The following BBOX1 variants were observed in gnomAD, a reference collection of about 807,000 sequenced individuals.
BBOX1 encodes gamma-butyrobetaine dioxygenase.
A neutral mutation model predicts 41.6 loss-of-function variants in BBOX1; 35 were observed. The ratio of observed to expected loss-of-function variants is 0.84; its 90% CI spans 0.64 to 1.11. BBOX1 has a LOEUF of 1.11. Among genes scored for constraint, BBOX1 ranks in the 50% most tolerant of loss-of-function variants. The pLI is 0.00. For synonymous variants in BBOX1, 163 were observed against 154.7 expected (o/e 1.05, Z -0.40); for missense variants, 458 against 460.6 (o/e 0.99, Z 0.05).
At position 27,085,555 on chromosome 11, in the gene BBOX1, A is replaced by ATCTCTCTCTCTCTC. The variant is rs59696795; in HGVS notation, c.335-7585_335-7572dup. On this transcript the variant is annotated intron_variant, in intron 4 of 8. Coordinates refer to ENST00000263182, the MANE Select transcript of BBOX1 (RefSeq NM_003986.3). The stretch of plus-strand genomic sequence containing the variant: ...CTTTACTGTCCAGCCACATTCCCCC[A>ATCTCTCTCTCTCTC]TCTCTCTCTCTCTCTCTCTCTCTCT... Among the ~76,000 whole-genome samples the ATCTCTCTCTCTCTC allele has an allele frequency of 1.2e-3, 162 of 134,812 alleles. 1 individual carries two copies. The highest frequency in any genetic ancestry group is 2.1e-3 in the South Asian group (8 of 3,850). The allele number at this position is 134,812 out of a possible 152,430, so 88.4% of individuals were successfully genotyped here. A position where few individuals can be genotyped will look rare whatever the true frequency, so the allele number is the denominator to read the frequency against.
intron 4 of BBOX1, among the ~76,000 whole-genome samples, chr11:27,081,753 T>C (rs1282282820): frequency 6.6e-6 from 1 of 152,196 alleles, no homozygotes; most frequent in African/African-American, 2.4e-5. Context: ...CCATTCTAAC[T>C]GGCGTGAGAT....
rs757703129 is a variant in BBOX1 at position 27,119,648 on chromosome 11, G to A, written c.640-1G>A. The stretch of plus-strand genomic sequence containing the variant: ...TAATAATGCATATTTTCTTTTTATA[G>A]GTTCAGCTTCTTCACTGCATAAAGC... On this transcript the variant is annotated splice_acceptor_variant, in intron 6 of 8. Coordinates refer to ENST00000263182, the MANE Select transcript of BBOX1 (RefSeq NM_003986.3). LOFTEE classifies it high-confidence loss of function. The A allele has an allele frequency of 4.3e-6, 6 of 1,396,314 alleles. No individual in the cohort carries two copies. The highest frequency in any genetic ancestry group is 2.0e-4 in the Middle Eastern group (1 of 5,112). The allele number at this position is 1,396,314 out of a possible 1,614,324, so 86.5% of individuals were successfully genotyped here.
intron 4 of BBOX1, among the ~76,000 whole-genome samples, chr11:27,089,025 C>G (rs1277588867): frequency 6.6e-6 from 1 of 151,920 alleles, no homozygotes. Flanking sequence ...ATAACTGTCT[C>G]TATTTTATAA....
At chr11:27,068,696 A>G (rs1164230005) in intron 4 of BBOX1, among the ~76,000 whole-genome samples, 1 of 152,034 alleles carries the variant, frequency 6.6e-6, no homozygotes, top group East Asian at 1.9e-4. Context: ...TAGAATTTTT[A>G]TTATTTCAGA....
rs777657760 is a variant in BBOX1, at chr11:27,093,209, G to A, written c.376G>A (p.Asp126Asn). Residue 126 changes from aspartate to asparagine, a missense_variant, in exon 5 of 9, where the codon GAT becomes AAT. Transcript: ENST00000263182. ...CTCAGAGCTCCAGCTACCCACTTTG[G>A]ATTTTGAAGATGTTTTAAGATATGA... ...WGSELQLPTLDFEDVLRYDEH... is the reference protein window; with the variant it reads ...WGSELQLPTLNFEDVLRYDEH... 6.2e-7 allele frequency: 1 copy of A among 1,612,308 alleles called. No homozygotes were observed. Among genetic ancestry groups the A allele is most frequent in the South Asian group, 1.1e-5 (1 of 91,024 alleles).
chr11:27,093,803 G>C (rs1324296850), intron 5 of BBOX1, among the ~76,000 whole-genome samples: 1 of 151,920 alleles, frequency 6.6e-6, no homozygotes, highest in Non-Finnish European at 1.5e-5. Context: ...CCTTTCTTCT[G>C]TGCATAGCAC....
At chr11:27,114,621 C>T (rs1227201556) in intron 5 of BBOX1, among the ~76,000 whole-genome samples, 1 of 151,766 alleles carries the variant, frequency 6.6e-6, no homozygotes, top group African/African-American at 2.4e-5. Flanking sequence ...CAATTATCAA[C>T]AAGCATGCCA....
chr11:27,075,351 C>A (rs1410961672), intron 4 of BBOX1, among the ~76,000 whole-genome samples: 1 of 152,104 alleles, frequency 6.6e-6, no homozygotes, highest in Non-Finnish European at 1.5e-5. Flanking sequence ...GCAGAGGTCT[C>A]TTTAAGCTTA....
At chr11:27,042,259 T>C (rs933812232) in intron 2 of BBOX1, among the ~76,000 whole-genome samples, 4 of 152,208 alleles carry the variant, frequency 2.6e-5, no homozygotes, top group Non-Finnish European at 5.9e-5. Context: ...AATTTACAAA[T>C]GAAGTGTTTG....
At chr11:27,120,250 A>C (rs1859417015) in intron 7 of BBOX1, among the ~76,000 whole-genome samples, 1 of 152,112 alleles carries the variant, frequency 6.6e-6, no homozygotes, top group Non-Finnish European at 1.5e-5. Context: ...CTTCTATGTT[A>C]GCTTTATTTT....
chr11:27,043,416 C>CAGGTTTGGGTT (rs879430839), intron 2 of BBOX1, among the ~76,000 whole-genome samples: 1 of 151,324 alleles, frequency 6.6e-6, no homozygotes, highest in Non-Finnish European at 1.5e-5. Flanking sequence ...GCAGAATGTG[C>CAGGTTTGGGTT]ACGTTTGGGG....
At chr11:27,095,522 TTGCCACCTAACCA>T (rs1858408808) in intron 5 of BBOX1, among the ~76,000 whole-genome samples, 1 of 151,992 alleles carries the variant, frequency 6.6e-6, no homozygotes, top group Non-Finnish European at 1.5e-5. Flanking sequence ...CTTATGGGCC[TTGCCACCTAACCA>T]GATAAGTTAA....
chr11:27,076,969 C>A (rs1451350751), intron 4 of BBOX1, among the ~76,000 whole-genome samples: 1 of 152,116 alleles, frequency 6.6e-6, no homozygotes, highest in Non-Finnish European at 1.5e-5. Context: ...ATGTTCAGAA[C>A]TCCCCAGAAG....
At chr11:27,074,058 A>G (rs1857556952) in intron 4 of BBOX1, among the ~76,000 whole-genome samples, 1 of 152,034 alleles carries the variant, frequency 6.6e-6, no homozygotes, top group Admixed American at 6.6e-5. Context: ...AACTTAAAGT[A>G]TAATATAAAA....
intron 4 of BBOX1, among the ~76,000 whole-genome samples, chr11:27,090,775 A>T (rs1858215925): frequency 6.6e-6 from 1 of 151,808 alleles, no homozygotes; most frequent in South Asian, 2.1e-4. Flanking sequence ...AACACATAAA[A>T]CAGACATTCC....
intron 4 of BBOX1, among the ~76,000 whole-genome samples, 166 bp from the exon 5 acceptor site, chr11:27,093,002 A>G (rs1370061543): frequency 1.3e-5 from 2 of 151,974 alleles, no homozygotes; most frequent in Admixed American, 6.6e-5. Context: ...TGTGGTGCCA[A>G]GGAAGAAAGG....
In BBOX1 at chr11:27,122,225, A is replaced by G. The variant is rs551084683; in HGVS notation, c.836+2380A>G. Among the ~76,000 whole-genome samples the G allele has an allele frequency of 3.3e-5, 5 of 152,280 alleles. No individual in the cohort carries two copies. The South Asian group carries it at 1.0e-3, about 32-fold the overall frequency. Reference sequence around the variant, plus strand: ...AAAATAAATCAATAAAGAAACAAGCAAAATTAATGACGGTGAGACTCAGCT... The same window carrying G: ...AAAATAAATCAATAAAGAAACAAGCGAAATTAATGACGGTGAGACTCAGCT... On this transcript the variant is annotated intron_variant, in intron 7 of 8. Coordinates refer to ENST00000263182, the MANE Select transcript of BBOX1 (RefSeq NM_003986.3).
At chr11:27,043,607 C>T (rs555989075) in intron 2 of BBOX1, among the ~76,000 whole-genome samples, 1 of 152,262 alleles carries the variant, frequency 6.6e-6, no homozygotes, top group African/African-American at 2.4e-5. Flanking sequence ...CCCTACCCCG[C>T]CACAGGCCCT....
chr11:27,093,341 G>A lies in BBOX1; in HGVS notation c.508G>A (p.Gly170Ser). Residue 170 changes from glycine (G) to serine (S), a missense_variant, in exon 5 of 9, where the codon GGT (glycine) becomes AGT (serine). Transcript: ENST00000263182. The stretch of plus-strand genomic sequence containing the variant: ...AGTTTCAAAACTTGGGAAAAGGATG[G>A]GTTTCCTCTATCTCACATTTTATGG... ...GEVSKLGKRMGFLYLTFYGHT... is the reference protein window; with the variant it reads ...GEVSKLGKRMSFLYLTFYGHT... 1.2e-6 allele frequency: 2 copies of A among 1,612,238 alleles called. No homozygotes were observed. The highest frequency in any genetic ancestry group is 1.7e-6 in the Non-Finnish European group (2 of 1,178,898).
Sources: allele counts gnomAD v4.1 joint callset (sites outside exome capture counted in the v4.1 genomes callset), GRCh38; gene constraint gnomAD v4.1.1; transcripts MANE v1.5; gene names NCBI Gene and HGNC (gene_info 2026-07-23, HGNC 2026-07-21).